ADAMTS17: variants seen among roughly 807,000 people sequenced by gnomAD.
The protein encoded by ADAMTS17 is ADAM metallopeptidase with thrombospondin type 1 motif 17.
A neutral mutation model predicts 141.5 loss-of-function variants in ADAMTS17; 113 were observed. The observed-to-expected ratio is 0.80, with a 90% CI of 0.69 to 0.93. ADAMTS17 has a LOEUF of 0.93. Among genes scored for constraint, ADAMTS17 ranks in the 40% least tolerant of loss-of-function variants. The probability of loss-of-function intolerance (pLI) is 0.00; values close to 1 mark genes in which losing one functional copy is unlikely to be tolerated. For missense variants in ADAMTS17, 1,659 were observed against 1,517.9 expected (o/e 1.09, Z -1.54); for synonymous variants, 768 against 630.6 (o/e 1.22, Z -3.27).
intron 18 of ADAMTS17, among the ~76,000 whole-genome samples, chr15:100,008,819 C>G (rs2061095178): frequency 6.6e-6 from 1 of 152,178 alleles, no homozygotes; most frequent in Non-Finnish European, 1.5e-5. Flanking sequence ...GTGGTCACCC[C>G]TCCAGTTTGT....
intron 8 of ADAMTS17, among the ~76,000 whole-genome samples, chr15:100,187,207 A>C (rs2040750356): frequency 6.6e-6 from 1 of 151,988 alleles, no homozygotes; most frequent in South Asian, 2.1e-4. Context: ...CCCAGTGATA[A>C]CGTTAGAGCA....
intron 3 of ADAMTS17, among the ~76,000 whole-genome samples, chr15:100,316,255 T>C (rs1042117242): frequency 6.6e-6 from 1 of 152,178 alleles, no homozygotes; most frequent in African/African-American, 2.4e-5. Flanking sequence ...GTGGTGGCAG[T>C]GCAGCTGGCC....
intron 10 of ADAMTS17, among the ~76,000 whole-genome samples, chr15:100,134,480 T>G (rs1382058093): frequency 6.6e-6 from 1 of 152,126 alleles, no homozygotes; most frequent in Non-Finnish European, 1.5e-5. Context: ...CCCTCCAGGG[T>G]GTGGCCAGGG....
intron 18 of ADAMTS17, among the ~76,000 whole-genome samples, chr15:100,043,601 C>T (rs969714356): frequency 2.0e-5 from 3 of 152,070 alleles, no homozygotes; most frequent in Non-Finnish European, 2.9e-5. Flanking sequence ...GTCTGGCCTG[C>T]GGGGTTATTT....
At chr15:100,341,610 G>A (rs959222624) in intron 1 of ADAMTS17, among the ~76,000 whole-genome samples, 8 of 150,158 alleles carry the variant, frequency 5.3e-5, no homozygotes, top group Non-Finnish European at 1.0e-4. Flanking sequence ...CTCCCGGAAC[G>A]GCGCCGCGCA....
chr15:100,253,157 A>G (rs1040305126), intron 7 of ADAMTS17, among the ~76,000 whole-genome samples: 1 of 151,718 alleles, frequency 6.6e-6, no homozygotes, highest in East Asian at 2.0e-4. Flanking sequence ...ATGCAATACT[A>G]TATTTCAGCC....
At position 100,066,253 on chromosome 15, in the gene ADAMTS17, T is replaced by C. The variant is rs184644746; in HGVS notation, c.2138-12199A>G. ...CTTTTATCATGAAGAGGTATTAAAG[T>C]TAATAAAATGTTTTTGTGCATCTAC... is the stretch of plus-strand genomic sequence containing the variant. On this transcript the variant is annotated intron_variant, in intron 15 of 21. Coordinates refer to ENST00000268070, the MANE Select transcript of ADAMTS17 (RefSeq NM_139057.4). Among the ~76,000 whole-genome samples, 6 of 152,176 alleles carry C rather than the reference T, an allele frequency of 3.9e-5. No individual in the cohort carries two copies. In the East Asian group the frequency reaches 1.2e-3, roughly 29 times the overall value.
chr15:100,048,442 T>A (rs2031880558), intron 18 of ADAMTS17, among the ~76,000 whole-genome samples: 1 of 152,132 alleles, frequency 6.6e-6, no homozygotes, highest in Non-Finnish European at 1.5e-5. Flanking sequence ...CTCACTGGCA[T>A]GAATTTCAGC....
rs576196410 is a variant in ADAMTS17 at position 100,235,521 on chromosome 15, G to C, written c.1075+18615C>G. Among the ~76,000 whole-genome samples, 5 of 152,134 alleles carry C rather than the reference G, an allele frequency of 3.3e-5. No individual in the cohort carries two copies. In the South Asian group the frequency reaches 1.0e-3, roughly 32 times the overall value. On this transcript the variant is annotated intron_variant, in intron 7 of 21. Transcript: ENST00000268070. Reference sequence around the variant, plus strand: ...GGTTCTCAAAATTAAGCGTGTGTCAGAATCTCCGGAAGGCTTGCCACATCA... The same window carrying C: ...GGTTCTCAAAATTAAGCGTGTGTCACAATCTCCGGAAGGCTTGCCACATCA...
intron 13 of ADAMTS17, among the ~76,000 whole-genome samples, chr15:100,115,193 AG>A (rs1366486598): frequency 1.3e-5 from 2 of 152,190 alleles, no homozygotes; most frequent in Non-Finnish European, 2.9e-5. Context: ...GCTTCCAATT[AG>A]GGGTCTGCGT....
intron 10 of ADAMTS17, among the ~76,000 whole-genome samples, chr15:100,135,941 A>C (rs12592007): frequency 0.71 from 107,296 of 152,166 alleles, 38,703 homozygotes; most frequent in East Asian, 0.89. Flanking sequence ...CTCATTGGGA[A>C]CAATGGGGCA....
intron 3 of ADAMTS17, among the ~76,000 whole-genome samples, chr15:100,301,714 G>C (rs1218267338): frequency 6.6e-6 from 1 of 152,032 alleles, no homozygotes; most frequent in Non-Finnish European, 1.5e-5. Flanking sequence ...ACCATCTTAA[G>C]AAACAACCTT....
intron 15 of ADAMTS17, among the ~76,000 whole-genome samples, chr15:100,084,921 T>A (rs2034999698): frequency 1.3e-5 from 2 of 151,992 alleles, no homozygotes; most frequent in Non-Finnish European, 2.9e-5. Flanking sequence ...CTGGAAACGC[T>A]AAAAATCGGA....
rs561983399 is a variant in ADAMTS17 at position 100,025,919 on chromosome 15, G to T, written c.2591+22938C>A. On this transcript the variant is annotated intron_variant, in intron 18 of 21. Transcript: ENST00000268070. ...TTTTTGTTTTACTCCAACCATTTTT[G>T]ATAGTTTTATTCAAGTATCACATAA... Among the ~76,000 whole-genome samples, 11 of 151,938 alleles carry T rather than the reference G, an allele frequency of 7.2e-5. No individual in the cohort carries two copies. In the South Asian group the frequency reaches 2.3e-3, roughly 32 times the overall value.
chr15:100,131,799 G>A (rs1329015054), intron 12 of ADAMTS17, among the ~76,000 whole-genome samples: 1 of 152,220 alleles, frequency 6.6e-6, no homozygotes, highest in Non-Finnish European at 1.5e-5. Context: ...AGACTCTACT[G>A]TATCCATGTT....
chr15:100,266,336 A>T (rs1023503825), intron 4 of ADAMTS17, among the ~76,000 whole-genome samples: 1 of 152,142 alleles, frequency 6.6e-6, no homozygotes, highest in Non-Finnish European at 1.5e-5. Context: ...AAAACCCACA[A>T]CTGCAGGGCC....
intron 18 of ADAMTS17, among the ~76,000 whole-genome samples, chr15:100,030,954 A>C (rs1020222178): frequency 2.0e-5 from 3 of 152,240 alleles, no homozygotes; most frequent in African/African-American, 7.2e-5. Flanking sequence ...GCTGATGTTC[A>C]TCATCGATAT....
chr15:100,252,958 A>C (rs927281206), intron 7 of ADAMTS17, among the ~76,000 whole-genome samples: 2 of 152,168 alleles, frequency 1.3e-5, no homozygotes, highest in Non-Finnish European at 2.9e-5. Flanking sequence ...AGACACATCC[A>C]AGGCCACCCA....
intron 15 of ADAMTS17, among the ~76,000 whole-genome samples, chr15:100,095,536 A>C (rs964973319): frequency 4.6e-5 from 7 of 152,122 alleles, no homozygotes; most frequent in Admixed American, 1.3e-4. Context: ...CAACTTGTGG[A>C]AATTAAAATA....
Sources: allele counts gnomAD v4.1 joint callset (sites outside exome capture counted in the v4.1 genomes callset), GRCh38; gene constraint gnomAD v4.1.1; transcripts MANE v1.5; gene names NCBI Gene and HGNC (gene_info 2026-07-23, HGNC 2026-07-21).